WWOX: variants seen among roughly 807,000 people sequenced by gnomAD.
WWOX encodes the protein WW domain-containing oxidoreductase.
WWOX carries 69 observed loss-of-function variants against 46.2 expected under a neutral mutation model. The observed-to-expected ratio is 1.49, with a 90% CI of 1.23 to 1.82. The LOEUF (loss-of-function observed/expected upper bound fraction) is 1.82, where lower values mean the gene tolerates loss of function less well. Ranked by LOEUF, WWOX falls within the 40% of genes most tolerant of loss-of-function variation. WWOX has a pLI of 0.00. For synonymous variants in WWOX, 359 were observed against 202.6 expected (o/e 1.77, Z -6.56); for missense variants, 919 against 542.6 (o/e 1.69, Z -6.89).
chr16:78,847,298 C>T (rs1046223701), intron 8 of WWOX, among the ~76,000 whole-genome samples: 4 of 152,148 alleles, frequency 2.6e-5, no homozygotes, highest in Non-Finnish European at 4.4e-5. Flanking sequence ...GCACATACAC[C>T]TATCTCCATT....
intron 8 of WWOX, among the ~76,000 whole-genome samples, chr16:78,874,043 C>A (rs1023373488): frequency 5.3e-5 from 8 of 151,766 alleles, no homozygotes; most frequent in African/African-American, 1.9e-4. Context: ...GGGCGGATCA[C>A]AAGGTCAGGA....
At chr16:78,216,206 A>G (rs913304647) in intron 5 of WWOX, among the ~76,000 whole-genome samples, 1 of 152,178 alleles carries the variant, frequency 6.6e-6, no homozygotes, top group African/African-American at 2.4e-5. Context: ...CATAAAAACA[A>G]TGGGGGGAGT....
intron 5 of WWOX, among the ~76,000 whole-genome samples, chr16:78,362,888 G>A (rs538233414): frequency 9.2e-5 from 14 of 152,312 alleles, no homozygotes; most frequent in African/African-American, 2.6e-4. Context: ...TGCTAAATGC[G>A]TAAAGGAGGT....
chr16:79,032,727 C>T (rs2047789101), intron 8 of WWOX, among the ~76,000 whole-genome samples: 1 of 150,980 alleles, frequency 6.6e-6, no homozygotes, highest in Non-Finnish European at 1.5e-5. Flanking sequence ...CCTGAACCAG[C>T]CTTAGATTGC....
At chr16:78,230,757 C>G (rs903629350) in intron 5 of WWOX, among the ~76,000 whole-genome samples, 25 of 152,184 alleles carry the variant, frequency 1.6e-4, no homozygotes, top group African/African-American at 5.5e-4. Context: ...GAGGCATGAT[C>G]TGGAAGATAA....
At chr16:78,162,133 G>A (rs991190385) in intron 4 of WWOX, among the ~76,000 whole-genome samples, 5 of 152,134 alleles carry the variant, frequency 3.3e-5, no homozygotes, top group Non-Finnish European at 5.9e-5. Flanking sequence ...GTGACACTAG[G>A]TGTAGTGTAG....
chr16:78,771,324 C>G (rs2050059958), intron 8 of WWOX, among the ~76,000 whole-genome samples: 1 of 152,168 alleles, frequency 6.6e-6, no homozygotes, highest in South Asian at 2.1e-4. Context: ...CAACCCCCAG[C>G]TTCTGTTGAG....
chr16:78,643,002 A>C (rs540628674), intron 8 of WWOX, among the ~76,000 whole-genome samples: 1 of 152,152 alleles, frequency 6.6e-6, no homozygotes, highest in Non-Finnish European at 1.5e-5. Context: ...GAGATGAAAT[A>C]CTTAAACTGT....
At chr16:78,413,940 G>C (rs1325439051) in intron 6 of WWOX, among the ~76,000 whole-genome samples, 5 of 151,582 alleles carry the variant, frequency 3.3e-5, no homozygotes, top group Middle Eastern at 3.4e-3. Flanking sequence ...CCTGTGACCT[G>C]CACATATACA....
intron 5 of WWOX, among the ~76,000 whole-genome samples, chr16:78,164,748 A>G (rs965615977): frequency 1.3e-5 from 2 of 152,200 alleles, no homozygotes; most frequent in African/African-American, 4.8e-5. Context: ...GGGACCAAGG[A>G]TATAGTATTA....
chr16:78,719,550 A>G lies in WWOX; in HGVS notation c.1056+286798A>G, dbSNP rs535601629. Reference sequence around the variant, plus strand: ...GAGACAAGTGTGTCGTTAATTAAGAAGGAGAAGGGGGACTTTAAGGTTACC... The same window carrying G: ...GAGACAAGTGTGTCGTTAATTAAGAGGGAGAAGGGGGACTTTAAGGTTACC... On this transcript the variant is annotated intron_variant, in intron 8 of 8. Coordinates refer to ENST00000566780, the MANE Select transcript of WWOX (RefSeq NM_016373.4). Among the ~76,000 whole-genome samples, 6 of 152,324 alleles carry G rather than the reference A, an allele frequency of 3.9e-5. No homozygotes were observed. In the South Asian group the frequency reaches 1.2e-3, roughly 32 times the overall value.
At chr16:78,821,699 C>T (rs916621747) in intron 8 of WWOX, among the ~76,000 whole-genome samples, 2 of 152,174 alleles carry the variant, frequency 1.3e-5, no homozygotes, top group African/African-American at 2.4e-5. Flanking sequence ...TCAGGGAACT[C>T]AGTTGGTTGC....
At chr16:78,522,987 G>C (rs2043382162) in intron 8 of WWOX, among the ~76,000 whole-genome samples, 1 of 152,198 alleles carries the variant, frequency 6.6e-6, no homozygotes, top group Non-Finnish European at 1.5e-5. Context: ...CAGGAGAATT[G>C]TTTGAAGCTG....
chr16:78,469,321 C>A (rs2084164587), intron 8 of WWOX, among the ~76,000 whole-genome samples: 1 of 152,040 alleles, frequency 6.6e-6, no homozygotes, highest in Non-Finnish European at 1.5e-5. Flanking sequence ...CATCTAAGAG[C>A]AGAACAAGGA....
chr16:78,249,394 A>C (rs2037919180), intron 5 of WWOX, among the ~76,000 whole-genome samples: 1 of 152,180 alleles, frequency 6.6e-6, no homozygotes, highest in African/African-American at 2.4e-5. Context: ...TGTTTATCTT[A>C]ATGCTTAGTG....
intron 8 of WWOX, among the ~76,000 whole-genome samples, chr16:78,577,579 C>T (rs1313345081): frequency 2.6e-5 from 4 of 152,116 alleles, no homozygotes; most frequent in Non-Finnish European, 5.9e-5. Flanking sequence ...AGCTTTGGGA[C>T]GATGAACAAT....
intron 8 of WWOX, among the ~76,000 whole-genome samples, chr16:78,736,435 T>A (rs2049093516): frequency 6.6e-6 from 1 of 152,158 alleles, no homozygotes; most frequent in Admixed American, 6.5e-5. Flanking sequence ...ACCAACAGCT[T>A]CTGCTTCTTC....
intron 4 of WWOX, among the ~76,000 whole-genome samples, chr16:78,130,477 G>A (rs554334093): frequency 3.3e-5 from 5 of 152,206 alleles, no homozygotes; most frequent in African/African-American, 9.6e-5. Context: ...TAAGCCACTC[G>A]GTCCATGATA....
At chr16:79,102,712 C>T (rs2049226314) in intron 8 of WWOX, among the ~76,000 whole-genome samples, 1 of 151,960 alleles carries the variant, frequency 6.6e-6, no homozygotes, top group African/African-American at 2.4e-5. Flanking sequence ...TGGACACAAT[C>T]CTAATATCTC....
Sources: gnomAD v4.1 joint callset for allele counts (sites outside exome capture counted in the v4.1 genomes callset) on GRCh38, gnomAD v4.1.1 for gene constraint, MANE v1.5 for transcripts, NCBI Gene and HGNC (gene_info 2026-07-23, HGNC 2026-07-21) for gene names.